Variants in PRKAG2 observed in about 807,000 individuals in gnomAD.
The protein encoded by PRKAG2 is protein kinase AMP-activated non-catalytic subunit gamma 2.
Under a neutral mutation model 69.6 loss-of-function variants are expected in PRKAG2, and 26 were observed. The observed-to-expected ratio is 0.37, with a 90% CI of 0.27 to 0.52. PRKAG2 has a LOEUF of 0.52. PRKAG2 is among the 20% of genes least tolerant of loss of function. PRKAG2 has a pLI of 0.90. For missense variants in PRKAG2, 557 were observed against 740.0 expected (o/e 0.75, Z 2.87); for synonymous variants, 293 against 285.0 (o/e 1.03, Z -0.28).
chr7:151,719,624 G>A lies in PRKAG2; in HGVS notation c.467-43987C>T, dbSNP rs1015347226. Among the ~76,000 whole-genome samples, 3 of 152,176 alleles carry A rather than the reference G, an allele frequency of 2.0e-5. No homozygotes were observed. Among genetic ancestry groups the A allele is most frequent in the African/African-American group, 7.2e-5 (3 of 41,454 alleles). On this transcript the variant is annotated intron_variant, in intron 3 of 15. Transcript: ENST00000287878. The surrounding 1 kb of genome is among the most constrained non-coding windows in gnomAD (Gnocchi z 5.2). ...AGTTCCCCCAGTGAGTCTGGTGTGT[G>A]TTGAGTCCTGTCCTGGCACCTGCCT...
chr7:151,691,692 C>T lies in PRKAG2; in HGVS notation c.467-16055G>A, dbSNP rs547781116. ...AAGTGCTGACAATGATTTGGAACAACAGGAACTCTCATTTGTCACTGGTGG... is the reference window on the plus strand; with the variant it reads ...AAGTGCTGACAATGATTTGGAACAATAGGAACTCTCATTTGTCACTGGTGG... On this transcript the variant is annotated intron_variant, in intron 3 of 15. Coordinates refer to ENST00000287878, the MANE Select transcript of PRKAG2 (RefSeq NM_016203.4). Among the ~76,000 whole-genome samples, 3 of 152,318 alleles carry T rather than the reference C, an allele frequency of 2.0e-5. 1 individual carries two copies. The South Asian group carries it at 6.2e-4, about 32-fold the overall frequency.
rs2079132710 is a variant in PRKAG2 at position 151,835,773 on chromosome 7, C to CG, written c.114+40733dup. Among the ~76,000 whole-genome samples the CG allele has an allele frequency of 1.3e-5, 2 of 152,178 alleles. No individual in the cohort carries two copies. The highest frequency in any genetic ancestry group is 4.1e-4 in the South Asian group (2 of 4,820). On this transcript the variant is annotated intron_variant, in intron 1 of 15. Transcript: ENST00000287878. This position sits in a 1 kb window ranked among gnomAD's most constrained non-coding sequence, Gnocchi z 4.1. The stretch of plus-strand genomic sequence containing the variant: ...TTCCATTGGTCTGGATCGGACATCC[C>CG]GGGGGCTCTCGTGGGCAGCCTGGTG...
intron 5 of PRKAG2, among the ~76,000 whole-genome samples, chr7:151,597,197 G>A (rs1338810028): frequency 6.6e-6 from 1 of 152,150 alleles, no homozygotes; most frequent in Non-Finnish European, 1.5e-5. Context: ...TTCCATAAAT[G>A]GTGCTGGAAA....
chr7:151,823,842 G>T (rs1477482001), intron 1 of PRKAG2, among the ~76,000 whole-genome samples: 1 of 152,102 alleles, frequency 6.6e-6, no homozygotes, highest in Non-Finnish European at 1.5e-5. Flanking sequence ...AGAACCTCTG[G>T]GGAGTTTTCA....
rs139811562 is a variant in PRKAG2, at chr7:151,871,317, A to G, written c.114+5190T>C. On this transcript the variant is annotated intron_variant, in intron 1 of 15. Transcript: ENST00000287878. ...ATTCCCATCACCTTCATAATCAGCC[A>G]TGCCTTACAAGAGGCATGGAGGCTC... Among the ~76,000 whole-genome samples, 622 of 152,352 alleles carry G rather than the reference A, an allele frequency of 4.1e-3. 2 individuals carry two copies. The highest frequency in any genetic ancestry group is 0.014 in the African/African-American group (594 of 41,578).
intron 3 of PRKAG2, among the ~76,000 whole-genome samples, chr7:151,740,346 T>A (rs945446572): frequency 6.6e-6 from 1 of 152,236 alleles, no homozygotes; most frequent in South Asian, 2.1e-4. Flanking sequence ...AAACCCTCCC[T>A]CAGACCTCTG....
At chr7:151,784,282 GCT>G (rs1416639802) in intron 2 of PRKAG2, among the ~76,000 whole-genome samples, 2 of 152,206 alleles carry the variant, frequency 1.3e-5, no homozygotes, top group African/African-American at 4.8e-5. Context: ...GCATGGACGT[GCT>G]CTGTTTACAG....
At chr7:151,838,724 A>T (rs1270867335) in intron 1 of PRKAG2, among the ~76,000 whole-genome samples, 1 of 150,528 alleles carries the variant, frequency 6.6e-6, no homozygotes, top group Non-Finnish European at 1.5e-5. Flanking sequence ...AAAAAAAAAA[A>T]GTAAAGAAGG....
chr7:151,655,291 C>G (rs778012096), intron 4 of PRKAG2, among the ~76,000 whole-genome samples: 3 of 152,078 alleles, frequency 2.0e-5, no homozygotes, highest in African/African-American at 4.8e-5. Context: ...TTCCATTTTC[C>G]TCTTCAAAAT....
At chr7:151,732,280 C>T (rs1319856233) in intron 3 of PRKAG2, among the ~76,000 whole-genome samples, 2 of 151,802 alleles carry the variant, frequency 1.3e-5, no homozygotes, top group East Asian at 1.9e-4. Context: ...CTGGGACTAC[C>T]GACATGCACC....
chr7:151,675,787 G>A, intron 3 of PRKAG2, 150 bp from the exon 4 acceptor site: 1 of 777,190 alleles, frequency 1.3e-6, no homozygotes. Context: ...CAGAGGTCCG[G>A]CCTCCAGGAA....
rs184402682 is a variant in PRKAG2 at position 151,635,861 on chromosome 7, A to G, written c.685-3723T>C. ...GATTTAATTCTGTGGAGGAAATGACAATAAATTTTTTTTTTTTTTTTTTTG... is the reference window on the plus strand; with the variant it reads ...GATTTAATTCTGTGGAGGAAATGACGATAAATTTTTTTTTTTTTTTTTTTG... On this transcript the variant is annotated intron_variant, in intron 4 of 15. Transcript: ENST00000287878. Among the ~76,000 whole-genome samples, 23 of 149,464 alleles carry G rather than the reference A, an allele frequency of 1.5e-4. No homozygotes were observed. In the East Asian group the frequency reaches 4.3e-3, roughly 28 times the overall value.
At chr7:151,609,452 G>A (rs976610058) in intron 5 of PRKAG2, among the ~76,000 whole-genome samples, 3 of 152,190 alleles carry the variant, frequency 2.0e-5, no homozygotes, top group African/African-American at 7.2e-5. Flanking sequence ...ATACCAGTAT[G>A]AAATTCATTT....
chr7:151,866,186 C>T (rs568595539), intron 1 of PRKAG2, among the ~76,000 whole-genome samples: 89 of 152,264 alleles, frequency 5.8e-4, no homozygotes, highest in African/African-American at 1.9e-3. Context: ...AGGCAGCAGA[C>T]GCCGCCCTCT....
chr7:151,852,702 T>C (rs1024483156), intron 1 of PRKAG2, among the ~76,000 whole-genome samples: 12 of 151,870 alleles, frequency 7.9e-5, no homozygotes, highest in African/African-American at 2.9e-4. Context: ...GAGGGTCCTA[T>C]AGGAACACAA....
rs564259662 is a variant in PRKAG2 at position 151,710,681 on chromosome 7, A to G, written c.467-35044T>C. Among the ~76,000 whole-genome samples, 102 of 152,330 alleles carry G rather than the reference A, an allele frequency of 6.7e-4. 2 individuals carry two copies. The South Asian group carries it at 0.02, about 30-fold the overall frequency. ...CCGCTCACACACCCCCATTTGCCAC[A>G]TGCTCATTCAGCTTCATTTTTCTCT... is the stretch of plus-strand genomic sequence containing the variant. On this transcript the variant is annotated intron_variant, in intron 3 of 15. Coordinates refer to ENST00000287878, the MANE Select transcript of PRKAG2 (RefSeq NM_016203.4).
intron 3 of PRKAG2, among the ~76,000 whole-genome samples, chr7:151,779,312 T>A (rs192517362): frequency 6.6e-6 from 1 of 152,330 alleles, no homozygotes; most frequent in African/African-American, 2.4e-5. Flanking sequence ...CCCTGAGGAC[T>A]GAACAACTTC....
At chr7:151,793,264 G>A (rs1411612342) in intron 1 of PRKAG2, among the ~76,000 whole-genome samples, 1 of 152,170 alleles carries the variant, frequency 6.6e-6, no homozygotes, top group Non-Finnish European at 1.5e-5. Context: ...TGTTTGGACG[G>A]AGTCTCGGGG....
intron 1 of PRKAG2, among the ~76,000 whole-genome samples, chr7:151,838,624 T>C (rs1399953706): frequency 6.7e-6 from 1 of 149,250 alleles, no homozygotes; most frequent in East Asian, 2.0e-4. Flanking sequence ...GGAGGACCGC[T>C]GGAGCCAGGG....
Sources: gnomAD v4.1 joint callset for allele counts (sites outside exome capture counted in the v4.1 genomes callset) on GRCh38, gnomAD v4.1.1 for gene constraint, Gnocchi (gnomAD v3.1) non-coding constraint, MANE v1.5 for transcripts, NCBI Gene and HGNC (gene_info 2026-07-23, HGNC 2026-07-21) for gene names.